Variants in CAST observed in about 807,000 individuals in gnomAD.
The protein encoded by CAST is MIR583 host.
CAST carries 76 observed loss-of-function variants against 119.6 expected under a neutral mutation model. The ratio of observed to expected loss-of-function variants is 0.64; its 90% CI spans 0.53 to 0.77. CAST has a LOEUF of 0.77. CAST is among the 30% of genes least tolerant of loss of function. The pLI is 0.00. For synonymous variants in CAST, 319 were observed against 331.6 expected (o/e 0.96, Z 0.41); for missense variants, 953 against 946.5 (o/e 1.01, Z -0.09).
At chr5:96,407,200 CT>C in the CAST span, among the ~76,000 whole-genome samples, 1 of 152,086 alleles carries the variant, frequency 6.6e-6, no homozygotes, top group African/African-American at 2.4e-5. Flanking sequence ...TACATATTAA[CT>C]ACATTTCATT....
chr5:96,612,090 A>G (rs1313926423), intron 1 of CAST, among the ~76,000 whole-genome samples: 2 of 152,172 alleles, frequency 1.3e-5, no homozygotes, highest in Non-Finnish European at 2.9e-5. Flanking sequence ...TCCCATTACC[A>G]TGTGTCTATC....
the CAST span, among the ~76,000 whole-genome samples, chr5:96,277,624 G>T: frequency 6.6e-6 from 1 of 152,252 alleles, no homozygotes; most frequent in African/African-American, 2.4e-5. Context: ...CGGAGAAGCT[G>T]TTAAGAATCC....
the CAST span, among the ~76,000 whole-genome samples, chr5:96,200,474 A>T: frequency 1.3e-5 from 2 of 152,158 alleles, no homozygotes; most frequent in South Asian, 4.1e-4. Context: ...CCAACCGGAA[A>T]GAGACTGTGT....
chr5:96,559,662 C>T (rs1252035577), intron 1 of CAST, among the ~76,000 whole-genome samples: 3 of 151,998 alleles, frequency 2.0e-5, no homozygotes, highest in African/African-American at 7.2e-5. Context: ...GTAAAGGACC[C>T]CTTCAAGGAG....
At chr5:96,469,983 A>T in the CAST span, among the ~76,000 whole-genome samples, 105 of 151,018 alleles carry the variant, frequency 7.0e-4, no homozygotes, top group Non-Finnish European at 1.3e-3. Context: ...GTAAATTAAA[A>T]TGCAAAATGT....
At chr5:96,280,786 T>C in the CAST span, among the ~76,000 whole-genome samples, 1 of 152,008 alleles carries the variant, frequency 6.6e-6, no homozygotes, top group Admixed American at 6.6e-5. Flanking sequence ...TTAACTGTTG[T>C]CCTTTTGTAT....
the CAST span, among the ~76,000 whole-genome samples, chr5:96,268,998 G>A: frequency 6.6e-6 from 1 of 152,108 alleles, no homozygotes; most frequent in Non-Finnish European, 1.5e-5. Flanking sequence ...GTTCTCTCTT[G>A]CTACTGCTGC....
chr5:96,277,033 C>A, the CAST span, among the ~76,000 whole-genome samples: 1 of 152,200 alleles, frequency 6.6e-6, no homozygotes, highest in Non-Finnish European at 1.5e-5. Context: ...ATTTCAACAG[C>A]TGCGTAGTAT....
the CAST span, among the ~76,000 whole-genome samples, chr5:96,343,180 A>AT: frequency 6.6e-6 from 1 of 152,172 alleles, no homozygotes; most frequent in Non-Finnish European, 1.5e-5. Context: ...CTAAAAAAAA[A>AT]CACATTTACA....
chr5:96,185,601 A>T, the CAST span, among the ~76,000 whole-genome samples: 1 of 152,206 alleles, frequency 6.6e-6, no homozygotes, highest in African/African-American at 2.4e-5. Context: ...TTTATTAAAT[A>T]GGGAGTCCTT....
chr5:96,081,580 C>A, the CAST span, among the ~76,000 whole-genome samples: 3 of 152,128 alleles, frequency 2.0e-5, no homozygotes, highest in Non-Finnish European at 2.9e-5. Flanking sequence ...GTTCAGGGAA[C>A]ATGAACAGAA....
intron 1 of CAST, among the ~76,000 whole-genome samples, chr5:96,621,110 A>G (rs753847874): frequency 6.6e-6 from 1 of 152,168 alleles, no homozygotes; most frequent in Non-Finnish European, 1.5e-5. Context: ...GCCCTGAAGA[A>G]AGGGGTTAAG....
the CAST span, among the ~76,000 whole-genome samples, chr5:96,003,993 A>T: frequency 6.6e-6 from 1 of 152,228 alleles, no homozygotes; most frequent in Non-Finnish European, 1.5e-5. Context: ...TTTAAAATAG[A>T]GTAAGAAGAA....
chr5:96,681,556 AC>A (rs1415957903), intron 2 of CAST, among the ~76,000 whole-genome samples: 1 of 150,902 alleles, frequency 6.6e-6, no homozygotes, highest in Non-Finnish European at 1.5e-5. Context: ...AAACGGTGAA[AC>A]CCCGTCTCTA....
intron 1 of CAST, among the ~76,000 whole-genome samples, chr5:96,631,694 G>A (rs867725158): frequency 4.6e-5 from 7 of 150,962 alleles, no homozygotes; most frequent in South Asian, 2.1e-4. Flanking sequence ...CACCACGCCC[G>A]GATAATTTTT....
At chr5:96,402,433 GCCT>G in the CAST span, among the ~76,000 whole-genome samples, 2 of 152,100 alleles carry the variant, frequency 1.3e-5, no homozygotes, top group African/African-American at 4.8e-5. Flanking sequence ...CCTTGGTCAG[GCCT>G]CCTCGTGGAG....
the CAST span, among the ~76,000 whole-genome samples, chr5:96,437,836 A>G: frequency 9.2e-5 from 14 of 152,190 alleles, no homozygotes; most frequent in Admixed American, 6.5e-4. Context: ...TTGTTAGGCA[A>G]TTCCTGGTCT....
In CAST at chr5:96,740,977, T is replaced by C. The variant is rs1762542345; in HGVS notation, c.918+194T>C. 3 of 598,716 alleles carry C rather than the reference T, an allele frequency of 5.0e-6. 1 individual carries two copies. Among genetic ancestry groups the C allele is most frequent in the South Asian group, 4.3e-5 (2 of 46,338 alleles). The allele number at this position is 598,716 out of a possible 1,614,324, so 37.1% of individuals were successfully genotyped here. A position where few individuals can be genotyped will look rare whatever the true frequency, so the allele number is the denominator to read the frequency against. On this transcript the variant is annotated intron_variant, in intron 13 of 31. Coordinates refer to ENST00000675179, the MANE Select transcript of CAST (RefSeq NM_001750.7). ...CTCCTGAGTCTCATAAGTAGGTTTT[T>C]TGAGGGAAAGGAGAAAGAAGGCGAG...
chr5:96,424,972 AGAAAGAT>A, the CAST span, among the ~76,000 whole-genome samples: 28 of 139,614 alleles, frequency 2.0e-4, no homozygotes, highest in African/African-American at 7.6e-4. Flanking sequence ...AAAAAAAAAA[AGAAAGAT>A]AGAAAGAAAG....
Sources: allele counts gnomAD v4.1 joint callset (sites outside exome capture counted in the v4.1 genomes callset), GRCh38; gene constraint gnomAD v4.1.1; transcripts MANE v1.5; gene names NCBI Gene and HGNC (gene_info 2026-07-23, HGNC 2026-07-21).